The following ARSD variants were observed in gnomAD, a reference collection of about 807,000 sequenced individuals.
The protein encoded by ARSD is arylsulfatase D, also known as testis tissue sperm-binding protein Li 39a.
A neutral mutation model predicts 32.6 loss-of-function variants in ARSD; 21 were observed. The ratio of observed to expected loss-of-function variants is 0.64; its 90% confidence interval spans 0.46 to 0.93. The LOEUF (loss-of-function observed/expected upper bound fraction) is 0.93. Among genes scored for constraint, ARSD ranks in the 40% least tolerant of loss-of-function variants. The pLI is 0.00. For missense variants in ARSD, 454 were observed against 520.9 expected (o/e 0.87, Z 1.25); for synonymous variants, 224 against 237.4 (o/e 0.94, Z 0.52).
Position 2,910,070 on chromosome X carries a change from GCA to G in ARSD, c.1136-93_1136-92del. The G allele has an allele frequency of 1.8e-5, 20 of 1,097,449 alleles. No individual in the cohort carries two copies. In the Middle Eastern group the frequency reaches 7.5e-4, roughly 41 times the overall value. The allele number at this position is 1,097,449 out of a possible 1,213,427, so 90.4% of individuals were successfully genotyped here. On this transcript the variant is annotated intron_variant, in intron 7 of 9. Coordinates refer to ENST00000381154, the MANE Select transcript of ARSD (RefSeq NM_001669.4). ...TATTTGTGCATAGGTATGTGAATAC[GCA>G]CAGCCACCCGGATGCACACATGCAC...
Position 2,929,226 on chromosome X carries a change from A to T in ARSD, c.44+6T>A. Reference sequence around the variant, plus strand: ...AGTATGGGCCGCGTCCCGGGGTCCCAGGCACCTGGCGGCGGGCGCGGCGCG... The same window carrying T: ...AGTATGGGCCGCGTCCCGGGGTCCCTGGCACCTGGCGGCGGGCGCGGCGCG... On this transcript the variant is annotated splice_donor_region_variant and intron_variant, in intron 1 of 9. Coordinates refer to ENST00000381154, the MANE Select transcript of ARSD (RefSeq NM_001669.4). 1 of 1,037,995 alleles carries T rather than the reference A, an allele frequency of 9.6e-7. No homozygotes were observed. The highest frequency in any genetic ancestry group is 1.2e-6 in the Non-Finnish European group (1 of 816,775). 85.5% of individuals were successfully genotyped at this position (1,037,995 alleles called of 1,213,427 possible).
Position 2,909,998 on chromosome X carries a change from G to A in ARSD, c.1136-19C>T, listed in dbSNP as rs774432519. On this transcript the variant is annotated intron_variant, in intron 7 of 9. Transcript: ENST00000381154. The stretch of plus-strand genomic sequence containing the variant: ...TTCCCACCTGTAAGTAGAAGACATC[G>A]TTAGGATTTTGCCGGAAACTGCCCA... The A allele has an allele frequency of 4.6e-5, 56 of 1,207,194 alleles. No homozygotes were observed. Among genetic ancestry groups the A allele is most frequent in the Non-Finnish European group, 6.2e-5 (55 of 893,999 alleles).
At position 2,917,753 on chromosome X, in the gene ARSD, G is replaced by A. The variant is rs61647561; in HGVS notation, c.863+51C>T. 0.019 allele frequency: 21,006 copies of A among 1,126,620 alleles called. 1,341 individuals are homozygous for A. The African/African-American group carries it at 0.24, about 13-fold the overall frequency. The allele number at this position is 1,126,620 out of a possible 1,213,427, so 92.8% of individuals were successfully genotyped here. On this transcript the variant is annotated intron_variant, in intron 5 of 9. Transcript: ENST00000381154. ...CCCGAAGTGCTAGGATGACAGGCAT[G>A]AGCCATCGCGTCCGGCCCCATCTCC...
At chrX:2,913,801 T>C (rs2088923779) in intron 6 of ARSD, 1 of 821,866 alleles carries the variant, frequency 1.2e-6, no homozygotes, top group Admixed American at 4.8e-5. Context: ...GAATCGGCGG[T>C]GGGGCCTGGG....
At position 2,920,584 on chromosome X, in the gene ARSD, C is replaced by T. The variant is rs374698853; in HGVS notation, c.439+17G>A. On this transcript the variant is annotated intron_variant, in intron 4 of 9. Coordinates refer to ENST00000381154, the MANE Select transcript of ARSD (RefSeq NM_001669.4). ...TTCCCAACCACCGTATAATGTGAGGCTCCCACATATCCACACCTATGAGGC... is the reference window on the plus strand; with the variant it reads ...TTCCCAACCACCGTATAATGTGAGGTTCCCACATATCCACACCTATGAGGC... 8 of 1,208,694 alleles carry T rather than the reference C, an allele frequency of 6.6e-6. No homozygotes were observed. The highest frequency in any genetic ancestry group is 1.8e-5 in the African/African-American group (1 of 56,881).
At chrX:2,919,027 G>C (rs1057153228) in intron 4 of ARSD, among the ~76,000 whole-genome samples, 3 of 110,621 alleles carry the variant, frequency 2.7e-5, no homozygotes, top group Admixed American at 9.7e-5. Context: ...TGAAGCAGGA[G>C]AATCGCTTGA....
At position 2,906,897 on chromosome X, in the gene ARSD, G is replaced by A. The variant is rs1365833065; in HGVS notation, c.*374C>T. The A allele has an allele frequency of 7.6e-6, 1 of 131,968 alleles. No homozygotes were observed. Among genetic ancestry groups the A allele is most frequent in the African/African-American group, 3.2e-5 (1 of 31,305 alleles). 10.9% of individuals were successfully genotyped at this position (131,968 alleles called of 1,213,427 possible). On this transcript the variant is annotated 3_prime_UTR_variant, in exon 10 of 10. Transcript: ENST00000381154. ...GGCTGAGGCAGGTGGATGACTTGAGGTCAGGAGTGCGAGACCAGCCTGGGC... is the reference window on the plus strand; with the variant it reads ...GGCTGAGGCAGGTGGATGACTTGAGATCAGGAGTGCGAGACCAGCCTGGGC...
chrX:2,911,015 C>T (rs925248875), intron 6 of ARSD, among the ~76,000 whole-genome samples: 18 of 111,948 alleles, frequency 1.6e-4, no homozygotes, highest in African/African-American at 3.9e-4. Flanking sequence ...CAATAAAATT[C>T]GAAGCCCCCC....
At chrX:2,914,111 T>A (rs2088928276) in intron 6 of ARSD, 1 of 743,847 alleles carries the variant, frequency 1.3e-6, no homozygotes, top group South Asian at 6.8e-5. Context: ...TCTCAGGTAT[T>A]TCTTTGCAAG....
rs761970749 is a variant in ARSD at position 2,910,763 on chromosome X, C to A, written c.1031G>T (p.Gly344Val). 3 of 1,209,878 alleles carry A rather than the reference C, an allele frequency of 2.5e-6. No individual in the cohort carries two copies. Among genetic ancestry groups the A allele is most frequent in the African/African-American group, 3.5e-5 (2 of 57,288 alleles). Residue 344 changes from glycine to valine, a missense_variant, in exon 7 of 10, where the codon GGT becomes GTT. Gly to Val is a moderately radical substitution (Grantham distance 109). Around this residue, in one of 3 missense-constraint regions of ARSD, gnomAD observed 271 missense variants for 301.0 expected, o/e 0.90. Coordinates refer to ENST00000381154, the MANE Select transcript of ARSD (RefSeq NM_001669.4). ...ATACGTGAATGTTGAGTTCTTTAAA[C>A]CATTGTCTTCGATGGCATTAAGAAC... is the stretch of plus-strand genomic sequence containing the variant. ...GKVLNAIEDN[G>V]LKNSTFTYFT...
chrX:2,927,416 C>T (rs898327932), intron 1 of ARSD, among the ~76,000 whole-genome samples: 2 of 110,079 alleles, frequency 1.8e-5, no homozygotes, highest in Non-Finnish European at 3.8e-5. Context: ...CCTGCCACCA[C>T]GCCCGGCTAA....
At chrX:2,927,806 C>G (rs186548358) in intron 1 of ARSD, among the ~76,000 whole-genome samples, 1 of 103,228 alleles carries the variant, frequency 9.7e-6, no homozygotes, top group Non-Finnish European at 1.9e-5. Context: ...ACCTTTGTAA[C>G]TTCACCCTTT....
Position 2,921,885 on chromosome X carries a change from C to T in ARSD, c.316+18G>A, listed in dbSNP as rs779570133. 1 of 1,204,935 alleles carries T rather than the reference C, an allele frequency of 8.3e-7. No homozygotes were observed. The highest frequency in any genetic ancestry group is 1.1e-6 in the Non-Finnish European group (1 of 891,174). ...CACACAGATGTACCCATTTCTCCAT[C>T]ATCTCCGTGACACCAACCTGATCTG... On this transcript the variant is annotated intron_variant, in intron 3 of 9. Coordinates refer to ENST00000381154, the MANE Select transcript of ARSD (RefSeq NM_001669.4).
chrX:2,909,639 A>G (rs55714129), intron 8 of ARSD, among the ~76,000 whole-genome samples, 178 bp downstream of exon 8: 8,396 of 95,154 alleles, frequency 0.088, 586 homozygotes, highest in East Asian at 0.43. Flanking sequence ...AGCCGAGATC[A>G]TGCCATTGCA....
At chrX:2,914,777 T>G (rs772291810) in intron 6 of ARSD, 18 of 1,023,619 alleles carry the variant, frequency 1.8e-5, no homozygotes, top group Admixed American at 2.5e-5. Flanking sequence ...TCACTGGCTG[T>G]GTAGAAGGTT....
In ARSD at chrX:2,920,933, C is replaced by T. The variant is rs188962387; in HGVS notation, c.317-210G>A. Among the ~76,000 whole-genome samples, 31 of 111,738 alleles carry T rather than the reference C, an allele frequency of 2.8e-4. 1 individual carries two copies. The East Asian group carries it at 6.2e-3, about 22-fold the overall frequency. On this transcript the variant is annotated intron_variant, in intron 3 of 9. Transcript: ENST00000381154. The stretch of plus-strand genomic sequence containing the variant: ...CCTACCTACATACCTACCTACCTAC[C>T]GACCTATCACACTATTCTCGAAATA...
At chrX:2,917,301 C>T (rs73632964) in intron 5 of ARSD, among the ~76,000 whole-genome samples, 2 of 109,643 alleles carry the variant, frequency 1.8e-5, no homozygotes, top group East Asian at 2.9e-4. Context: ...CAATGCTATT[C>T]GAGCCATCAC....
At position 2,913,359 on chromosome X, in the gene ARSD, C is replaced by G. The variant is rs1033609350; in HGVS notation, c.1000+2197G>C. The G allele has an allele frequency of 1.5e-3, 259 of 168,342 alleles. 1 individual carries two copies. Among genetic ancestry groups the G allele is most frequent in the African/African-American group, 7.3e-3 (230 of 31,456 alleles). The allele number at this position is 168,342 out of a possible 1,213,427, so 13.9% of individuals were successfully genotyped here. A position where few individuals can be genotyped will look rare whatever the true frequency, so the allele number is the denominator to read the frequency against. The stretch of plus-strand genomic sequence containing the variant: ...AAGGTCTGTGTGGATGTTCATGCTG[C>G]GGGGGGTAGAATGAGGCAAGCCCAA... On this transcript the variant is annotated intron_variant, in intron 6 of 9. Transcript: ENST00000381154.
intron 8 of ARSD, 152 bp from the exon 9 acceptor site, chrX:2,908,994 G>A (rs948666479): frequency 1.2e-6 from 1 of 863,012 alleles, no homozygotes; most frequent in African/African-American, 2.0e-5. Context: ...ATTACAGGTT[G>A]CTGAGCAGGA....
Sources: gnomAD v4.1 joint callset for allele counts (sites outside exome capture counted in the v4.1 genomes callset) on GRCh38, gnomAD v4.1.1 for gene constraint, gnomAD v4.1.1 regional missense constraint, MANE v1.5 for transcripts, NCBI Gene and HGNC (gene_info 2026-07-23, HGNC 2026-07-21) for gene names.